Variants in LSM12 observed in about 807,000 individuals in gnomAD.
LSM12 encodes the protein protein LSM12.
For synonymous variants in LSM12, 74 were observed against 87.3 expected, an observed-to-expected ratio of 0.85 and a Z score of 0.85; for missense variants, 108 against 238.9, an observed-to-expected ratio of 0.45 and a Z score of 3.61.
At chr17:44,067,171 G>A (rs147583768), upstream of LSM12, among the ~76,000 whole-genome samples, 30 of 152,196 alleles carry the variant, frequency 2.0e-4, no homozygotes, top group East Asian at 5.0e-3. Flanking sequence ...ACGGTGGCGC[G>A]TGCCTGTAAT....
intron 2 of LSM12, among the ~76,000 whole-genome samples, chr17:44,042,936 C>T (rs990393298): frequency 2.0e-5 from 3 of 152,124 alleles, no homozygotes; most frequent in African/African-American, 7.2e-5. Context: ...CTCCTGAGCT[C>T]AGGTGATCCA....
intron 2 of LSM12, among the ~76,000 whole-genome samples, chr17:44,042,741 A>G (rs2049511647): frequency 6.6e-6 from 1 of 151,464 alleles, no homozygotes; most frequent in Non-Finnish European, 1.5e-5. Flanking sequence ...ATTTTTTTGT[A>G]GTTTTTTAGT....
intron 2 of LSM12, among the ~76,000 whole-genome samples, chr17:44,052,839 T>C (rs1421155516): frequency 6.6e-6 from 1 of 150,940 alleles, no homozygotes; most frequent in Non-Finnish European, 1.5e-5. Context: ...ATTTACATAA[T>C]TAATAAATAA....
intron 2 of LSM12, among the ~76,000 whole-genome samples, chr17:44,053,510 T>C (rs1335026417): frequency 6.6e-6 from 1 of 152,160 alleles, no homozygotes; most frequent in African/African-American, 2.4e-5. Context: ...AAATGTGAGA[T>C]TCTGGAGGGC....
chr17:44,055,507 CAAAAAA>C (rs893366294), intron 2 of LSM12, among the ~76,000 whole-genome samples: 1 of 65,000 alleles, frequency 1.5e-5, no homozygotes, highest in Admixed American at 1.6e-4. Context: ...ACCAAAAATA[CAAAAAA>C]AAAAAAAAAA....
At chr17:44,060,121 C>T (rs1283750489) in intron 2 of LSM12, among the ~76,000 whole-genome samples, 1 of 152,016 alleles carries the variant, frequency 6.6e-6, no homozygotes, top group Admixed American at 6.5e-5. Flanking sequence ...GCCGAGATGG[C>T]GCCACTGCAC....
Position 44,040,217 on chromosome 17 carries a change from T to C in LSM12, c.298A>G (p.Ser100Gly). ...CCAGCACTGATTGCATAGGCCTGGC[T>C]CAGCTTCTCCTCCTTCTCTGTCCGT... ...KARTEKEEKL[S>G]QAYAISAGVS... Residue 100 changes from serine to glycine, a missense_variant, in exon 3 of 5, where the codon AGC (serine) becomes GGC (glycine). Physicochemically the swap from Ser to Gly is moderately conservative, Grantham distance 56 (BLOSUM62 0). Transcript: ENST00000293406. 1 of 1,614,086 alleles carries C rather than the reference T, an allele frequency of 6.2e-7. No homozygotes were observed. The highest frequency in any genetic ancestry group is 1.1e-5 in the South Asian group (1 of 91,084).
At chr17:44,044,193 G>A (rs2144079268) in intron 2 of LSM12, among the ~76,000 whole-genome samples, 1 of 152,134 alleles carries the variant, frequency 6.6e-6, no homozygotes, top group East Asian at 1.9e-4. Context: ...AGCTAGAGAA[G>A]GGGAGAAAAA....
At chr17:44,048,018 AACACACACACACACACACAC>A (rs57164806) in intron 2 of LSM12, among the ~76,000 whole-genome samples, 7 of 137,488 alleles carry the variant, frequency 5.1e-5, no homozygotes, top group East Asian at 2.1e-4. Context: ...GTCCGTATTA[AACACACACACACACACACAC>A]ACACACACAC....
intron 2 of LSM12, among the ~76,000 whole-genome samples, chr17:44,050,784 G>A (rs959633158): frequency 2.6e-5 from 4 of 152,080 alleles, no homozygotes; most frequent in Non-Finnish European, 5.9e-5. Context: ...GCCTCCCAAA[G>A]TGCTGGAATT....
At chr17:44,045,312 C>T (rs1394254206) in intron 2 of LSM12, among the ~76,000 whole-genome samples, 2 of 152,194 alleles carry the variant, frequency 1.3e-5, no homozygotes, top group Admixed American at 6.5e-5. Context: ...AAGCGTAAGC[C>T]ACCATGCCTG....
chr17:44,050,848 T>C (rs2049633784), intron 2 of LSM12, among the ~76,000 whole-genome samples: 1 of 152,178 alleles, frequency 6.6e-6, no homozygotes, highest in African/African-American at 2.4e-5. Flanking sequence ...TAAAATACTG[T>C]TCCTGGACAG....
At chr17:44,045,413 C>T (rs1441526961) in intron 2 of LSM12, among the ~76,000 whole-genome samples, 1 of 152,140 alleles carries the variant, frequency 6.6e-6, no homozygotes, top group Non-Finnish European at 1.5e-5. Context: ...CTGGCTTCTT[C>T]CACTTAGCAC....
rs368502812 is a variant in LSM12, at chr17:44,040,133, C to T, written c.368+14G>A. On this transcript the variant is annotated intron_variant, in intron 3 of 4. Transcript: ENST00000293406. ...ATTACCCCAGGACAAAGGACCTCTC[C>T]GATCCCAACTCACGTCTTGTGAATG... 45 of 1,602,604 alleles carry T rather than the reference C, an allele frequency of 2.8e-5. No homozygotes were observed. The highest frequency in any genetic ancestry group is 1.5e-4 in the African/African-American group (11 of 74,686).
In LSM12 at chr17:44,036,279, C is replaced by G. The variant is rs59168537; in HGVS notation, c.517G>C (p.Val173Leu). ...RKIVEKHFRD[V>L]ESQKILQRSQ... is the part of the protein sequence containing the mutation. ...CGTTGCAGTATCTTTTGGCTTTCCA[C>G]GTCTCTAAAATGTTTTTCAACCTGA... Residue 173 changes from valine (V) to leucine (L), a missense_variant, in exon 5 of 5, where the codon GTG becomes CTG. Coordinates refer to ENST00000293406, the MANE Select transcript of LSM12 (RefSeq NM_001371445.1). 1,814 of 1,613,910 alleles carry G rather than the reference C, an allele frequency of 1.1e-3. 12 individuals are homozygous for G. In the African/African-American group the frequency reaches 0.02, roughly 17 times the overall value.
In LSM12 at chr17:44,058,163, G is replaced by C. The variant is rs9905849; in HGVS notation, c.258+5638C>G. Among the ~76,000 whole-genome samples, 437 of 151,994 alleles carry C rather than the reference G, an allele frequency of 2.9e-3. 1 individual carries two copies. The highest frequency in any genetic ancestry group is 8.8e-3 in the African/African-American group (366 of 41,468). ...GAGGCAGGAGAATGGCGTGAACCCA[G>C]GAGGCGGAGCTTGCAGTGAGCCGAG... is the stretch of plus-strand genomic sequence containing the variant. On this transcript the variant is annotated intron_variant, in intron 2 of 4. Transcript: ENST00000293406.
At chr17:44,040,819 CAAAAA>C (rs1180250412) in intron 2 of LSM12, among the ~76,000 whole-genome samples, 2 of 119,688 alleles carry the variant, frequency 1.7e-5, no homozygotes, top group African/African-American at 6.5e-5. Context: ...ACTAAAAATA[CAAAAA>C]AAAAAAAAAA....
At position 44,036,072 on chromosome 17, in the gene LSM12, G is replaced by A; in HGVS notation, c.*136C>T. The stretch of plus-strand genomic sequence containing the variant: ...GGGTGTTTTGTTTGTTCAAGTCTAA[G>A]ATTTGGAAATGCTGACCCTTTGTTA... On this transcript the variant is annotated 3_prime_UTR_variant, in exon 5 of 5. Transcript: ENST00000293406. 1 of 669,726 alleles carries A rather than the reference G, an allele frequency of 1.5e-6. No homozygotes were observed. The highest frequency in any genetic ancestry group is 2.5e-6 in the Non-Finnish European group (1 of 405,604). 41.5% of individuals were successfully genotyped at this position (669,726 alleles called of 1,614,324 possible).
intron 2 of LSM12, among the ~76,000 whole-genome samples, chr17:44,045,711 C>T (rs1181537280): frequency 6.6e-6 from 1 of 152,120 alleles, no homozygotes; most frequent in African/African-American, 2.4e-5. Flanking sequence ...GCTGGGACCA[C>T]AGAAGCACAC....
Sources: gnomAD v4.1 joint callset for allele counts (sites outside exome capture counted in the v4.1 genomes callset) on GRCh38, gnomAD v4.1.1 for gene constraint, MANE v1.5 for transcripts, NCBI Gene and HGNC (gene_info 2026-07-23, HGNC 2026-07-21) for gene names.